The following FXR1 variants were observed in gnomAD, a reference collection of about 807,000 sequenced individuals.
FXR1 encodes the protein RNA-binding protein FXR1.
FXR1 carries 15 observed loss-of-function variants against 84.0 expected under a neutral mutation model. That is an observed-to-expected ratio of 0.18 (90% CI 0.12 to 0.27). The LOEUF (loss-of-function observed/expected upper bound fraction) is 0.27, where lower values mean the gene tolerates loss of function less well. FXR1 is among the 10% of genes least tolerant of loss of function. The probability of loss-of-function intolerance (pLI) is 1.00; values close to 1 mark genes in which losing one functional copy is unlikely to be tolerated. For missense variants in FXR1, 480 were observed against 774.4 expected, an observed-to-expected ratio of 0.62 and a Z score of 4.51; for synonymous variants, 245 against 250.7, an observed-to-expected ratio of 0.98 and a Z score of 0.21.
At position 180,912,846 on chromosome 3, in the gene FXR1, A is replaced by G. The variant is rs1717384715; in HGVS notation, c.51+110A>G. On this transcript the variant is annotated intron_variant, in intron 1 of 16. Transcript: ENST00000357559. ...TTGGGGTCGGAAAGGCAGCCAGGCCAAAGCTCGAGGCCGCTGGATTCCTTG... is the reference window on the plus strand; with the variant it reads ...TTGGGGTCGGAAAGGCAGCCAGGCCGAAGCTCGAGGCCGCTGGATTCCTTG... The G allele has an allele frequency of 3.8e-6, 6 of 1,592,254 alleles. No individual in the cohort carries two copies. The Admixed American group carries it at 1.0e-4, about 27-fold the overall frequency.
At chr3:180,959,328 G>A (rs1259208038) in intron 10 of FXR1, among the ~76,000 whole-genome samples, 1 of 148,952 alleles carries the variant, frequency 6.7e-6, no homozygotes, top group East Asian at 2.0e-4. Context: ...TGTACAATGA[G>A]TTTTTTATGA....
chr3:180,976,010 G>A (rs2108500034), intron 16 of FXR1, 112 bp from the exon 17 acceptor site: 2 of 696,764 alleles, frequency 2.9e-6, no homozygotes, highest in South Asian at 4.1e-5. Flanking sequence ...ATCCATTGTG[G>A]TATATAAAAC....
chr3:180,955,825 G>A (rs887189925), intron 9 of FXR1, among the ~76,000 whole-genome samples: 1 of 152,148 alleles, frequency 6.6e-6, no homozygotes, highest in Non-Finnish European at 1.5e-5. Flanking sequence ...TATATTTGTA[G>A]TTCTTTGTTC....
Position 180,935,205 on chromosome 3 carries a change from G to A in FXR1, c.172G>A (p.Glu58Lys). 1 of 1,517,320 alleles carries A rather than the reference G, an allele frequency of 6.6e-7. No homozygotes were observed. The highest frequency in any genetic ancestry group is 9.2e-7 in the Non-Finnish European group (1 of 1,092,558). The allele number at this position is 1,517,320 out of a possible 1,614,324, so 94.0% of individuals were successfully genotyped here. A position where few individuals can be genotyped will look rare whatever the true frequency, so the allele number is the denominator to read the frequency against. ...ACCACCACCACCTGATATAAAAAAA[G>A]AAATTAGTGAAGGAGATGAAGTAGA... Reference protein sequence around the residue: ...RLPPPPDIKKEISEGDEVEVY... With the variant: ...RLPPPPDIKKKISEGDEVEVY... The change falls in exon 3 of 17, where the codon GAA becomes AAA. Residue 58 changes from glutamate to lysine, a missense_variant. Transcript: ENST00000357559.
At chr3:180,964,060 T>C (rs549071240) in intron 13 of FXR1, among the ~76,000 whole-genome samples, 29 of 152,318 alleles carry the variant, frequency 1.9e-4, no homozygotes, top group African/African-American at 6.5e-4. Context: ...CTGAACTATC[T>C]TCAATTTGTT....
intron 9 of FXR1, among the ~76,000 whole-genome samples, chr3:180,956,393 A>G (rs1325315152): frequency 6.6e-6 from 1 of 152,136 alleles, no homozygotes; most frequent in Non-Finnish European, 1.5e-5. Context: ...TAAAATATTG[A>G]CGGTCTGTGG....
intron 13 of FXR1, among the ~76,000 whole-genome samples, chr3:180,966,650 C>T (rs2108489288): frequency 6.6e-6 from 1 of 152,196 alleles, no homozygotes; most frequent in African/African-American, 2.4e-5. Context: ...GGAGTTCCAC[C>T]CTTTATCATA....
At chr3:180,933,606 A>G (rs1481551425) in intron 2 of FXR1, among the ~76,000 whole-genome samples, 3 of 152,160 alleles carry the variant, frequency 2.0e-5, no homozygotes, top group Non-Finnish European at 4.4e-5. Context: ...ACATGTATGG[A>G]TATGAATCAG....
intron 1 of FXR1, among the ~76,000 whole-genome samples, chr3:180,923,612 T>C (rs954452322): frequency 3.9e-5 from 6 of 152,076 alleles, no homozygotes; most frequent in African/African-American, 4.8e-5. Flanking sequence ...ACTTTACTTA[T>C]CATAAAAGCT....
chr3:180,927,895 A>T lies in FXR1; in HGVS notation c.52-5439A>T, dbSNP rs952822687. 7 of 365,698 alleles carry T rather than the reference A, an allele frequency of 1.9e-5. No homozygotes were observed. In the South Asian group the frequency reaches 5.1e-4, roughly 27 times the overall value. The allele number at this position is 365,698 out of a possible 1,614,324, so 22.7% of individuals were successfully genotyped here. On this transcript the variant is annotated intron_variant, in intron 1 of 16. Coordinates refer to ENST00000357559, the MANE Select transcript of FXR1 (RefSeq NM_005087.4). ...TCACCTAAGAATATTTGAATTGGGGATTTAACCCTGTTGTATGCTGTTTCA... is the reference window on the plus strand; with the variant it reads ...TCACCTAAGAATATTTGAATTGGGGTTTTAACCCTGTTGTATGCTGTTTCA...
chr3:180,928,088 C>G (rs1719440268), intron 1 of FXR1, among the ~76,000 whole-genome samples: 2 of 148,574 alleles, frequency 1.3e-5, no homozygotes, highest in Admixed American at 6.7e-5. Context: ...GGAATTGTTA[C>G]TGATTTTTTT....
Position 180,912,721 on chromosome 3 carries a change from C to T in FXR1, c.36C>T (p.Asn12=), listed in dbSNP as rs201247137. The part of the protein sequence containing the change: ...AELTVEVRGS[N]GAFYKGFIKD... Reference sequence around the variant, plus strand: ...TGACGGTGGAGGTTCGCGGCTCTAACGGGGCTTTCTACAAGGTACTGACCG... The same window carrying T: ...TGACGGTGGAGGTTCGCGGCTCTAATGGGGCTTTCTACAAGGTACTGACCG... Residue 12 remains asparagine, a synonymous_variant, in exon 1 of 17, where the codon AAC becomes AAT. Coordinates refer to ENST00000357559, the MANE Select transcript of FXR1 (RefSeq NM_005087.4). The T allele has an allele frequency of 5.6e-6, 9 of 1,613,864 alleles. No homozygotes were observed. The highest frequency in any genetic ancestry group is 4.5e-5 in the East Asian group (2 of 44,850).
chr3:180,918,700 GTATTTCCTT>G (rs759307231), intron 1 of FXR1, among the ~76,000 whole-genome samples: 2 of 152,152 alleles, frequency 1.3e-5, no homozygotes, highest in African/African-American at 2.4e-5. Flanking sequence ...TGAAGCAGTT[GTATTTCCTT>G]TAACCTATTT....
intron 8 of FXR1, among the ~76,000 whole-genome samples, chr3:180,953,364 C>G (rs954589591): frequency 6.6e-6 from 1 of 152,086 alleles, no homozygotes; most frequent in Non-Finnish European, 1.5e-5. Context: ...ATAAATAAAT[C>G]AGACAATTTT....
At chr3:180,930,693 T>C (rs182052258) in intron 1 of FXR1, among the ~76,000 whole-genome samples, 1 of 152,230 alleles carries the variant, frequency 6.6e-6, no homozygotes, top group East Asian at 1.9e-4. Flanking sequence ...ATAATACAGT[T>C]ATATTTGCTG....
intron 3 of FXR1, among the ~76,000 whole-genome samples, chr3:180,940,045 C>G (rs567741): frequency 0.25 from 38,333 of 152,000 alleles, 6,333 homozygotes; most frequent in African/African-American, 0.46. Context: ...CTTTCTAGCC[C>G]CTTAGGAAAT....
At chr3:180,932,281 T>A (rs1013300713) in intron 1 of FXR1, among the ~76,000 whole-genome samples, 2 of 152,130 alleles carry the variant, frequency 1.3e-5, no homozygotes, top group African/African-American at 2.4e-5. Context: ...CCTTGGACAT[T>A]ATGGAGTCTA....
At chr3:180,971,617 T>A (rs538196097) in intron 15 of FXR1, 1 of 152,666 alleles carries the variant, frequency 6.6e-6, no homozygotes, top group African/African-American at 2.4e-5. Context: ...GAGAAAAATA[T>A]TTGAAGGTGT....
intron 3 of FXR1, among the ~76,000 whole-genome samples, chr3:180,946,231 T>G (rs1721682953): frequency 6.6e-6 from 1 of 152,242 alleles, no homozygotes; most frequent in Non-Finnish European, 1.5e-5. Context: ...TGTATGAACA[T>G]TAACAGTTTA....
Sources: gnomAD v4.1 joint callset for allele counts (sites outside exome capture counted in the v4.1 genomes callset) on GRCh38, gnomAD v4.1.1 for gene constraint, MANE v1.5 for transcripts, NCBI Gene and HGNC (gene_info 2026-07-23, HGNC 2026-07-21) for gene names.